The following ADK variants were observed in gnomAD, a reference collection of about 807,000 sequenced individuals.
The protein encoded by ADK is N6,N6-dimethyladenosine kinase.
In ADK, 24 loss-of-function variants were observed where a neutral mutation model predicts 44.7. The observed-to-expected ratio is 0.54, with a 90% confidence interval of 0.39 to 0.76. The LOEUF (loss-of-function observed/expected upper bound fraction) is 0.76. ADK is among the 30% of genes least tolerant of loss of function. ADK has a pLI of 0.00. For missense variants in ADK, 321 were observed against 425.1 expected, an observed-to-expected ratio of 0.76 and a Z score of 2.15; for synonymous variants, 128 against 142.6, an observed-to-expected ratio of 0.90 and a Z score of 0.73.
intron 6 of ADK, among the ~76,000 whole-genome samples, chr10:74,428,511 G>A (rs375313164): frequency 1.3e-5 from 2 of 152,254 alleles, no homozygotes. Flanking sequence ...TGGAAATAAA[G>A]AACTTTATAA....
At chr10:74,554,861 A>C (rs551749218) in intron 7 of ADK, among the ~76,000 whole-genome samples, 262 of 152,298 alleles carry the variant, frequency 1.7e-3, no homozygotes, top group Middle Eastern at 3.4e-3. Flanking sequence ...ATTTATAAAA[A>C]TATGATTTGG....
At chr10:74,155,584 C>T (rs1841723506) in intron 1 of ADK, among the ~76,000 whole-genome samples, 1 of 152,156 alleles carries the variant, frequency 6.6e-6, no homozygotes, top group Non-Finnish European at 1.5e-5. Context: ...GGCTGGAGTG[C>T]AGTGGCACAG....
At chr10:74,559,175 T>C (rs1278297526) in intron 7 of ADK, among the ~76,000 whole-genome samples, 1 of 152,226 alleles carries the variant, frequency 6.6e-6, no homozygotes, top group African/African-American at 2.4e-5. Flanking sequence ...GTGTCAGCAC[T>C]GCTCCCTGAC....
Position 74,210,104 on chromosome 10 carries a change from C to T in ADK, c.140+9266C>T, listed in dbSNP as rs367925625. ...CAGCACTTTGGGAGGCCGAGGTGAA[C>T]GGATCACCTGAGGTCAGGAGTTAGA... On this transcript the variant is annotated intron_variant, in intron 2 of 10. Transcript: ENST00000539909. 7.9e-5 allele frequency among the ~76,000 whole-genome samples: 12 copies of T among 152,080 alleles called. No individual in the cohort carries two copies. In the East Asian group the frequency reaches 9.7e-4, roughly 12 times the overall value.
intron 6 of ADK, among the ~76,000 whole-genome samples, chr10:74,435,729 G>A (rs1592210364): frequency 6.6e-6 from 1 of 151,932 alleles, no homozygotes; most frequent in Admixed American, 6.6e-5. Context: ...ACTTCTCACC[G>A]GTACCAATGA....
chr10:74,443,441 T>C (rs1257719315), intron 6 of ADK, among the ~76,000 whole-genome samples: 1 of 152,162 alleles, frequency 6.6e-6, no homozygotes, highest in African/African-American at 2.4e-5. Context: ...AAAGAAGCCA[T>C]TTATAAAAGG....
chr10:74,478,829 T>C (rs977608485), intron 6 of ADK, among the ~76,000 whole-genome samples: 1 of 152,190 alleles, frequency 6.6e-6, no homozygotes, highest in Non-Finnish European at 1.5e-5. Flanking sequence ...TCCATCCTTA[T>C]AAGTACTTTG....
chr10:74,248,789 C>CTG (rs1345376911), intron 3 of ADK, among the ~76,000 whole-genome samples: 12 of 152,148 alleles, frequency 7.9e-5, no homozygotes, highest in African/African-American at 2.9e-4. Context: ...TTTTATGGAT[C>CTG]TGTGGTCTCA....
intron 9 of ADK, among the ~76,000 whole-genome samples, chr10:74,636,056 A>C (rs1368563024): frequency 6.6e-6 from 1 of 151,258 alleles, no homozygotes; most frequent in Non-Finnish European, 1.5e-5. Context: ...ACACCATTAC[A>C]CTCCAGCCTT....
intron 3 of ADK, among the ~76,000 whole-genome samples, chr10:74,246,088 C>T (rs1487470506): frequency 6.6e-6 from 1 of 151,764 alleles, no homozygotes. Context: ...TCCAGGAGTT[C>T]TCAGATTGTG....
chr10:74,186,626 G>GC (rs1842776432), intron 1 of ADK, among the ~76,000 whole-genome samples: 1 of 151,842 alleles, frequency 6.6e-6, no homozygotes, highest in African/African-American at 2.4e-5. Flanking sequence ...AATTAATTCT[G>GC]TCCCCCTTCT....
intron 1 of ADK, among the ~76,000 whole-genome samples, chr10:74,198,735 G>A (rs1414047485): frequency 6.6e-6 from 1 of 152,148 alleles, no homozygotes; most frequent in Non-Finnish European, 1.5e-5. Flanking sequence ...ATCACTTGTG[G>A]TGGAGTTCTT....
intron 10 of ADK, among the ~76,000 whole-genome samples, chr10:74,679,501 G>C (rs1773776566): frequency 6.6e-6 from 1 of 151,590 alleles, no homozygotes; most frequent in Non-Finnish European, 1.5e-5. Context: ...AAGTTTCAAT[G>C]TTCTGTGAAA....
intron 3 of ADK, among the ~76,000 whole-genome samples, chr10:74,266,001 T>C (rs1400166835): frequency 1.3e-5 from 2 of 151,916 alleles, no homozygotes; most frequent in Non-Finnish European, 2.9e-5. Context: ...CCTAAAGTAA[T>C]GGGACAATTG....
intron 7 of ADK, among the ~76,000 whole-genome samples, chr10:74,537,600 T>G (rs1849499319): frequency 6.6e-6 from 1 of 152,238 alleles, no homozygotes; most frequent in African/African-American, 2.4e-5. Context: ...AGAAGGTTTT[T>G]TTAAATTATG....
At position 74,553,190 on chromosome 10, in the gene ADK, G is replaced by GTTTTTTTTTTTT. The variant is rs386371837; in HGVS notation, c.726+27782_726+27793dup. 6.6e-5 allele frequency among the ~76,000 whole-genome samples: 4 copies of GTTTTTTTTTTTT among 60,418 alleles called. 1 individual carries two copies. The highest frequency in any genetic ancestry group is 1.2e-4 in the Non-Finnish European group (4 of 33,808). The allele number at this position is 60,418 out of a possible 152,430, so 39.6% of individuals were successfully genotyped here. A position where few individuals can be genotyped will look rare whatever the true frequency, so the allele number is the denominator to read the frequency against. Reference sequence around the variant, plus strand: ...ACAAGACAATTTTTCAGCACATTGTGTTTTTTTTTTTTTTTTTTTTTTTTT... The same window carrying GTTTTTTTTTTTT: ...ACAAGACAATTTTTCAGCACATTGTGTTTTTTTTTTTTTTTTTTTTTTTTTTTTTTTTTTTTT... On this transcript the variant is annotated intron_variant, in intron 7 of 10. Transcript: ENST00000539909.
intron 3 of ADK, among the ~76,000 whole-genome samples, chr10:74,294,288 C>CTTTTTTTTTTTTTTT (rs1215680885): frequency 6.9e-6 from 1 of 145,624 alleles, no homozygotes; most frequent in African/African-American, 2.5e-5. Flanking sequence ...TCTTTTCTTT[C>CTTTTTTTTTTTTTTT]TTTTTTTTTT....
chr10:74,159,380 A>G (rs1841833168), intron 1 of ADK, among the ~76,000 whole-genome samples: 1 of 152,164 alleles, frequency 6.6e-6, no homozygotes. Flanking sequence ...GAGTCCTGCT[A>G]TTTTACTATG....
chr10:74,580,249 G>A (rs189244785), intron 7 of ADK, among the ~76,000 whole-genome samples: 2 of 152,134 alleles, frequency 1.3e-5, no homozygotes, highest in East Asian at 3.9e-4. Context: ...TCATGGTAGT[G>A]TATAAGTCTC....
Sources: gnomAD v4.1 joint callset for allele counts (sites outside exome capture counted in the v4.1 genomes callset) on GRCh38, gnomAD v4.1.1 for gene constraint, MANE v1.5 for transcripts, NCBI Gene and HGNC (gene_info 2026-07-23, HGNC 2026-07-21) for gene names.